Variants in GRM8 observed in about 807,000 individuals in gnomAD.
GRM8 encodes glutamate metabotropic receptor 8.
Under a neutral mutation model 87.2 loss-of-function variants are expected in GRM8, and 47 were observed. That is an observed-to-expected ratio of 0.54 (90% CI 0.43 to 0.69). The LOEUF is 0.69. GRM8 is among the 30% of genes least tolerant of loss of function. The probability of loss-of-function intolerance (pLI) is 0.00; values close to 1 mark genes in which losing one functional copy is unlikely to be tolerated. For missense variants in GRM8, 1,019 were observed against 1,139.2 expected, an observed-to-expected ratio of 0.89 and a Z score of 1.52; for synonymous variants, 396 against 404.5, an observed-to-expected ratio of 0.98 and a Z score of 0.25.
At chr7:127,015,072 A>AAGAAGAAAGAAAGAAGGAG (rs757484218) in intron 3 of GRM8, among the ~76,000 whole-genome samples, 13 of 103,906 alleles carry the variant, frequency 1.3e-4, no homozygotes, top group Non-Finnish European at 1.4e-4. Flanking sequence ...AAGAAGAAAG[A>AAGAAGAAAGAAAGAAGGAG]AAGAAGGAGA....
intron 7 of GRM8, among the ~76,000 whole-genome samples, chr7:126,728,143 C>T (rs1034141950): frequency 6.6e-6 from 1 of 152,068 alleles, no homozygotes; most frequent in Admixed American, 6.6e-5. Context: ...TGCCACTATC[C>T]GCCACGCACC....
At chr7:126,986,504 C>A (rs1185978423) in intron 3 of GRM8, among the ~76,000 whole-genome samples, 2 of 152,162 alleles carry the variant, frequency 1.3e-5, no homozygotes, top group Admixed American at 1.3e-4. Context: ...TTCTTTTCTT[C>A]ATAATAATGT....
intron 2 of GRM8, among the ~76,000 whole-genome samples, chr7:127,109,102 A>T (rs1185521077): frequency 6.6e-6 from 1 of 152,162 alleles, no homozygotes; most frequent in Non-Finnish European, 1.5e-5. Flanking sequence ...TGAAGTAAAA[A>T]TTTTTTAAAG....
chr7:127,154,018 A>G (rs555291107), intron 2 of GRM8, among the ~76,000 whole-genome samples: 1 of 152,140 alleles, frequency 6.6e-6, no homozygotes, highest in Admixed American at 6.5e-5. Context: ...CTGCCCAGTC[A>G]CCTCTGCTGA....
chr7:126,951,100 T>A (rs1038279968), intron 3 of GRM8, among the ~76,000 whole-genome samples: 1 of 152,108 alleles, frequency 6.6e-6, no homozygotes, highest in Admixed American at 6.5e-5. Context: ...CTCTTTGAAT[T>A]GTTACAGGCT....
In GRM8 at chr7:126,846,812, G is replaced by A. The variant is rs547188900; in HGVS notation, c.1156+55730C>T. Among the ~76,000 whole-genome samples, 13 of 152,236 alleles carry A rather than the reference G, an allele frequency of 8.5e-5. No homozygotes were observed. The South Asian group carries it at 1.9e-3, about 22-fold the overall frequency. On this transcript the variant is annotated intron_variant, in intron 6 of 10. Coordinates refer to ENST00000339582, the MANE Select transcript of GRM8 (RefSeq NM_000845.3). ...GCAGTTTAGTTCTAAAGGAGAGGGAGAGCTTTATCAATTATTGAGTTCACT... is the reference window on the plus strand; with the variant it reads ...GCAGTTTAGTTCTAAAGGAGAGGGAAAGCTTTATCAATTATTGAGTTCACT...
chr7:126,682,793 G>C (rs1000628415), intron 7 of GRM8, among the ~76,000 whole-genome samples: 13 of 152,320 alleles, frequency 8.5e-5, no homozygotes, highest in Admixed American at 3.9e-4. Flanking sequence ...GCTCACGCCT[G>C]TAATCCCAGC....
intron 9 of GRM8, among the ~76,000 whole-genome samples, chr7:126,528,964 G>T (rs1472022479): frequency 6.6e-6 from 1 of 152,124 alleles, no homozygotes; most frequent in Non-Finnish European, 1.5e-5. Flanking sequence ...TAGATAAATA[G>T]AGAAAAAGAA....
chr7:127,199,210 C>T (rs1282611396), intron 2 of GRM8, among the ~76,000 whole-genome samples: 2 of 152,186 alleles, frequency 1.3e-5, no homozygotes, highest in Admixed American at 6.5e-5. Context: ...ATCCTCCTGC[C>T]TCAGCCTCCC....
chr7:126,485,096 C>A (rs1004849734), intron 9 of GRM8, among the ~76,000 whole-genome samples: 2 of 151,954 alleles, frequency 1.3e-5, no homozygotes, highest in Non-Finnish European at 2.9e-5. Context: ...CATTTATTAT[C>A]ATTGATTATG....
intron 6 of GRM8, among the ~76,000 whole-genome samples, chr7:126,791,266 A>T (rs1225836823): frequency 2.0e-5 from 3 of 152,224 alleles, no homozygotes; most frequent in Non-Finnish European, 2.9e-5. Context: ...ATGCTTAGAT[A>T]ATTGATATAT....
chr7:127,092,194 T>A (rs545573832), intron 3 of GRM8, among the ~76,000 whole-genome samples: 1 of 152,084 alleles, frequency 6.6e-6, no homozygotes, highest in South Asian at 2.1e-4. Flanking sequence ...AGCCTCTTTC[T>A]TTTTGATTTT....
At chr7:126,941,148 T>C (rs1806876677) in intron 3 of GRM8, among the ~76,000 whole-genome samples, 1 of 152,186 alleles carries the variant, frequency 6.6e-6, no homozygotes, top group Admixed American at 6.5e-5. Context: ...TGCCCTGCAC[T>C]GCTTTGGCCA....
chr7:127,111,774 C>T (rs1438718431), intron 2 of GRM8, among the ~76,000 whole-genome samples: 1 of 152,158 alleles, frequency 6.6e-6, no homozygotes, highest in Non-Finnish European at 1.5e-5. Flanking sequence ...CGCCTGTAAT[C>T]CCAGCAGTTT....
chr7:126,439,217 C>T (rs1216841099), intron 10 of GRM8, 49 bp from the exon 11 acceptor site: 2 of 999,972 alleles, frequency 2.0e-6, no homozygotes, highest in East Asian at 2.4e-5. Flanking sequence ...ATAATACATC[C>T]TTTTGTTAAT....
intron 7 of GRM8, among the ~76,000 whole-genome samples, chr7:126,636,119 T>G (rs1354238432): frequency 2.0e-5 from 3 of 152,198 alleles, no homozygotes; most frequent in African/African-American, 7.2e-5. Context: ...AATTGCTAAA[T>G]GCTTTATGCA....
At chr7:127,058,864 T>C (rs1820283051) in intron 3 of GRM8, among the ~76,000 whole-genome samples, 2 of 152,250 alleles carry the variant, frequency 1.3e-5, no homozygotes, top group Admixed American at 6.5e-5. Flanking sequence ...TCCAAAAATA[T>C]GTAGTTACCA....
chr7:126,576,710 T>C (rs539931915), intron 8 of GRM8, among the ~76,000 whole-genome samples: 2 of 152,314 alleles, frequency 1.3e-5, no homozygotes, highest in Admixed American at 6.5e-5. Context: ...TCCCACCTTT[T>C]TGGTATTTTC....
chr7:126,919,357 T>C (rs959147407), intron 3 of GRM8, among the ~76,000 whole-genome samples: 3 of 152,226 alleles, frequency 2.0e-5, no homozygotes, highest in African/African-American at 4.8e-5. Context: ...CTGTGAATTA[T>C]GTAAGTTCTA....
Sources: allele counts gnomAD v4.1 joint callset (sites outside exome capture counted in the v4.1 genomes callset), GRCh38; gene constraint gnomAD v4.1.1; transcripts MANE v1.5; gene names NCBI Gene and HGNC (gene_info 2026-07-23, HGNC 2026-07-21).